The following OR51B5 variants were observed in gnomAD, a reference collection of about 807,000 sequenced individuals.
The protein encoded by OR51B5 is olfactory receptor family 51 subfamily B member 5.
For synonymous variants in OR51B5, 186 were observed against 144.8 expected, an observed-to-expected ratio of 1.28 and a Z score of -2.04; for missense variants, 456 against 374.6, an observed-to-expected ratio of 1.22 and a Z score of -1.79.
intron 1 of OR51B5, among the ~76,000 whole-genome samples, chr11:5,357,015 CA>C (rs1378055371): frequency 6.6e-6 from 1 of 151,988 alleles, no homozygotes; most frequent in Non-Finnish European, 1.5e-5. Context: ...CCAGCCACTG[CA>C]AAAACATGCC....
At chr11:5,429,582 T>C (rs1053343918) in intron 1 of OR51B5, among the ~76,000 whole-genome samples, 2 of 152,082 alleles carry the variant, frequency 1.3e-5, no homozygotes, top group African/African-American at 4.8e-5. Flanking sequence ...AAGATGGTCG[T>C]TCCCACTTGA....
intron 1 of OR51B5, chr11:5,455,822 C>T (rs2471989): frequency 2.6e-5 from 4 of 151,680 alleles, no homozygotes; most frequent in South Asian, 2.1e-4. Flanking sequence ...AGATTTTTTT[C>T]AAAAATGTCT....
At chr11:5,422,354 C>G in intron 1 of OR51B5, 1 of 1,614,152 alleles carries the variant, frequency 6.2e-7, no homozygotes, top group Non-Finnish European at 8.5e-7. Flanking sequence ...CACTGTCATT[C>G]GCACAGAGCC....
rs568837302 is a variant in OR51B5 at position 5,414,990 on chromosome 11, C to A, written n.85-68080G>T. 1.8e-4 allele frequency among the ~76,000 whole-genome samples: 27 copies of A among 152,176 alleles called. No homozygotes were observed. In the East Asian group the frequency reaches 4.8e-3, roughly 27 times the overall value. On this transcript the variant is annotated intron_variant and non_coding_transcript_variant, in intron 1 of 4. Coordinates refer to the OR51B5 transcript ENST00000415970. The stretch of plus-strand genomic sequence containing the variant: ...AATATACATTTTTTTCAGCACCACA[C>A]CACACCTATTCCAAAATTGACCACA...
intron 1 of OR51B5, among the ~76,000 whole-genome samples, chr11:5,435,976 G>A (rs1364555198): frequency 2.0e-5 from 3 of 152,030 alleles, no homozygotes; most frequent in Admixed American, 6.6e-5. Context: ...CTCAACACAC[G>A]ACATGATTCT....
intron 1 of OR51B5, among the ~76,000 whole-genome samples, chr11:5,437,871 C>T (rs1564813109): frequency 1.3e-5 from 2 of 152,134 alleles, no homozygotes; most frequent in African/African-American, 4.8e-5. Context: ...AGAGAAGGAA[C>T]AGCAGGAAGG....
At position 5,457,895 on chromosome 11, in the gene OR51B5, C is replaced by T. The variant is rs1850983697; in HGVS notation, n.84+47674G>A. ...GTCAGGTCCATAGTTTGGAAGTATT[C>T]ACTCCCATTCTGTATGTTGTCTATT... On this transcript the variant is annotated intron_variant and non_coding_transcript_variant, in intron 1 of 4. Coordinates refer to the OR51B5 transcript ENST00000415970. Among the ~76,000 whole-genome samples the T allele has an allele frequency of 2.6e-5, 4 of 152,062 alleles. No homozygotes were observed. In the South Asian group the frequency reaches 8.3e-4, roughly 32 times the overall value.
At chr11:5,351,078 G>A (rs1849077482) in intron 1 of OR51B5, among the ~76,000 whole-genome samples, 1 of 152,072 alleles carries the variant, frequency 6.6e-6, no homozygotes, top group East Asian at 1.9e-4. Flanking sequence ...CATAGCCTGG[G>A]AAACCTTTAC....
intron 1 of OR51B5, among the ~76,000 whole-genome samples, chr11:5,466,855 G>A (rs1443361861): frequency 6.6e-6 from 1 of 152,220 alleles, no homozygotes; most frequent in Admixed American, 6.5e-5. Flanking sequence ...GCTTCCTTCT[G>A]TTCCAGCCCC....
intron 1 of OR51B5, chr11:5,454,441 C>T (rs759713133): frequency 3.2e-6 from 5 of 1,585,350 alleles, no homozygotes; most frequent in Non-Finnish European, 4.3e-6. Flanking sequence ...TCACACTTGG[C>T]TTTAGAATCT....
chr11:5,372,459 C>A (rs1589959366), intron 1 of OR51B5, among the ~76,000 whole-genome samples: 1 of 152,256 alleles, frequency 6.6e-6, no homozygotes, highest in East Asian at 1.9e-4. Flanking sequence ...TAATAGCCAT[C>A]TCAACAGGTG....
chr11:5,375,757 C>G (rs1849516757), intron 1 of OR51B5, among the ~76,000 whole-genome samples: 1 of 152,112 alleles, frequency 6.6e-6, no homozygotes, highest in African/African-American at 2.4e-5. Context: ...ACAAGAAGAG[C>G]TAACTATCCT....
intron 1 of OR51B5, chr11:5,422,308 C>G: frequency 1.2e-6 from 2 of 1,614,136 alleles, no homozygotes; most frequent in South Asian, 1.1e-5. Context: ...TCTGCTGTCT[C>G]TACACCATCT....
intron 1 of OR51B5, among the ~76,000 whole-genome samples, chr11:5,405,177 TAC>T (rs1850040588): frequency 6.6e-6 from 1 of 152,202 alleles, no homozygotes. Context: ...ATAAAATATA[TAC>T]TAAGAACTTT....
intron 1 of OR51B5, among the ~76,000 whole-genome samples, chr11:5,415,747 A>G (rs1850233639): frequency 6.6e-6 from 1 of 152,100 alleles, no homozygotes; most frequent in Non-Finnish European, 1.5e-5. Flanking sequence ...ATCTCTGAAT[A>G]CACCAATAAC....
At chr11:5,374,567 G>C (rs986614257) in intron 1 of OR51B5, among the ~76,000 whole-genome samples, 5 of 152,046 alleles carry the variant, frequency 3.3e-5, no homozygotes, top group East Asian at 1.9e-4. Flanking sequence ...CAAAGGCAAA[G>C]AAGATAAAAA....
At chr11:5,441,025 C>G (rs11037445) in intron 1 of OR51B5, 339,065 of 1,613,654 alleles carry the variant, frequency 0.21, 36,492 homozygotes, top group East Asian at 0.34. Context: ...CGTTTCACCA[C>G]AAAAGGGAAA....
intron 1 of OR51B5, among the ~76,000 whole-genome samples, chr11:5,385,043 A>C (rs1309336671): frequency 6.6e-6 from 1 of 152,218 alleles, no homozygotes; most frequent in Non-Finnish European, 1.5e-5. Flanking sequence ...AAACAAAAGA[A>C]TATTTAGACA....
intron 1 of OR51B5, among the ~76,000 whole-genome samples, chr11:5,465,453 A>T (rs987173567): frequency 7.9e-5 from 12 of 152,084 alleles, no homozygotes; most frequent in Non-Finnish European, 2.9e-5. Flanking sequence ...ATTGGAAAAA[A>T]CTACTTTAAA....
Sources: allele counts gnomAD v4.1 joint callset (sites outside exome capture counted in the v4.1 genomes callset), GRCh38; gene constraint gnomAD v4.1.1; transcripts MANE v1.5; gene names NCBI Gene and HGNC (gene_info 2026-07-23, HGNC 2026-07-21).